IL34: variants seen among roughly 807,000 people sequenced by gnomAD.
IL34 encodes interleukin 34.
In IL34, 17 loss-of-function variants were observed where a neutral mutation model predicts 25.3. The observed-to-expected ratio is 0.67, with a 90% confidence interval of 0.46 to 1.01. IL34 has a LOEUF of 1.01. Ranked by LOEUF, IL34 falls within the 50% of genes least tolerant of loss-of-function variation. IL34 has a pLI of 0.00. For synonymous variants in IL34, 174 were observed against 140.9 expected (o/e 1.23, Z -1.66); for missense variants, 368 against 312.9 (o/e 1.18, Z -1.33).
chr16:70,644,763 AAAG>A (rs930837509), upstream of IL34, among the ~76,000 whole-genome samples: 1 of 119,768 alleles, frequency 8.3e-6, no homozygotes, highest in African/African-American at 3.2e-5. Flanking sequence ...GGAGGGAGGA[AAAG>A]GAGGAGGGAG....
chr16:70,614,450 G>A (rs2051143858), intron 1 of IL34, among the ~76,000 whole-genome samples: 1 of 152,288 alleles, frequency 6.6e-6, no homozygotes, highest in African/African-American at 2.4e-5. Flanking sequence ...TTTTTTAACA[G>A]CCTCTCCAGG....
intron 1 of IL34, among the ~76,000 whole-genome samples, chr16:70,616,671 G>A (rs1449625638): frequency 6.6e-6 from 1 of 152,132 alleles, no homozygotes; most frequent in African/African-American, 2.4e-5. Context: ...TGCGGGCAGG[G>A]GTGGATCTCA....
chr16:70,605,662 C>G (rs1348218426), intron 1 of IL34, among the ~76,000 whole-genome samples: 2 of 152,002 alleles, frequency 1.3e-5, no homozygotes, highest in Non-Finnish European at 2.9e-5. Context: ...GACCTCTTCT[C>G]TCTTCTCTTC....
At chr16:70,601,250 CTCTT>C (rs1431755297) in intron 1 of IL34, among the ~76,000 whole-genome samples, 3 of 152,052 alleles carry the variant, frequency 2.0e-5, no homozygotes, top group Admixed American at 2.0e-4. Flanking sequence ...CAGAGACTGA[CTCTT>C]TATTTATTTA....
rs7201073 is a variant in IL34, at chr16:70,639,871, T to A, written c.-400-6677T>A. The stretch of plus-strand genomic sequence containing the variant: ...TACTCAGGAGGCTAAGGTGAGAGGA[T>A]CACTTGAGCCCAAGAGGTAGAGGCT... On this transcript the variant is annotated intron_variant, in intron 1 of 6. Coordinates refer to the IL34 transcript ENST00000429149. Among the ~76,000 whole-genome samples the A allele has an allele frequency of 5.5e-3, 842 of 151,870 alleles. 4 individuals are homozygous for A. The highest frequency in any genetic ancestry group is 0.019 in the African/African-American group (780 of 41,436).
intron 1 of IL34, among the ~76,000 whole-genome samples, chr16:70,620,489 G>T (rs944731698): frequency 6.6e-6 from 1 of 152,008 alleles, no homozygotes; most frequent in Admixed American, 6.6e-5. Context: ...AGGAAGAATT[G>T]GGACCTAGCT....
At position 70,633,436 on chromosome 16, in the gene IL34, A is replaced by AT. The variant is rs34689421; in HGVS notation, c.-400-13105dup. 4.5e-3 allele frequency among the ~76,000 whole-genome samples: 677 copies of AT among 151,370 alleles called. 4 individuals carry two copies. The highest frequency in any genetic ancestry group is 0.015 in the African/African-American group (610 of 41,230). On this transcript the variant is annotated intron_variant, in intron 1 of 6. Coordinates refer to the IL34 transcript ENST00000429149. ...GCCTGGCTAATTAAAAAAAATTATT[A>AT]TTTTTTTCTCTAGAGACGTGGTCTC...
At chr16:70,628,330 C>T (rs2151846617) in intron 1 of IL34, among the ~76,000 whole-genome samples, 1 of 152,234 alleles carries the variant, frequency 6.6e-6, no homozygotes, top group East Asian at 1.9e-4. Flanking sequence ...TTGTTTAACT[C>T]TTCTGTGTCC....
intron 1 of IL34, among the ~76,000 whole-genome samples, chr16:70,607,797 C>T (rs1456492484): frequency 6.6e-6 from 1 of 151,334 alleles, no homozygotes; most frequent in Non-Finnish European, 1.5e-5. Flanking sequence ...CAGAGTCTTG[C>T]TCTGTTACCT....
upstream of IL34, among the ~76,000 whole-genome samples, chr16:70,641,947 T>C (rs1447701511): frequency 1.3e-5 from 2 of 152,148 alleles, no homozygotes; most frequent in African/African-American, 4.8e-5. Context: ...CAATCTGAAA[T>C]GGACAAAGAA....
rs2051946702 is a variant in IL34 at position 70,646,890 on chromosome 16, CTG to C, written c.-55_-54del. 6 of 1,463,000 alleles carry C rather than the reference CTG, an allele frequency of 4.1e-6. No homozygotes were observed. Among genetic ancestry groups the C allele is most frequent in the African/African-American group, 3.0e-5 (2 of 67,262 alleles). The allele number at this position is 1,463,000 out of a possible 1,614,324, so 90.6% of individuals were successfully genotyped here. On this transcript the variant is annotated 5_prime_UTR_variant, in exon 1 of 6. Transcript: ENST00000288098. Reference sequence around the variant, plus strand: ...GGCCATGTAGGCCGTGCTTAGGCCTCTGTGGACACACTGCTGGGGACGGCGCC... The same window carrying C: ...GGCCATGTAGGCCGTGCTTAGGCCTCTGGACACACTGCTGGGGACGGCGCC...
intron 1 of IL34, among the ~76,000 whole-genome samples, chr16:70,638,376 G>C (rs779792848): frequency 2.8e-4 from 42 of 151,742 alleles, no homozygotes; most frequent in Non-Finnish European, 4.9e-4. Flanking sequence ...CAACTTGGGA[G>C]ACCGAGGCAG....
chr16:70,585,874 C>T (rs1477596550), intron 1 of IL34, among the ~76,000 whole-genome samples: 1 of 145,506 alleles, frequency 6.9e-6, no homozygotes, highest in Non-Finnish European at 1.5e-5. Flanking sequence ...CACTCTGTCA[C>T]CCAGGCTGGA....
At chr16:70,591,062 G>A (rs2050748808) in intron 1 of IL34, among the ~76,000 whole-genome samples, 2 of 152,236 alleles carry the variant, frequency 1.3e-5, no homozygotes, top group Admixed American at 6.5e-5. Context: ...ACCATGCCAA[G>A]CGAGACTGGG....
intron 1 of IL34, among the ~76,000 whole-genome samples, chr16:70,589,777 C>G (rs904499694): frequency 6.6e-6 from 1 of 152,058 alleles, no homozygotes; most frequent in African/African-American, 2.4e-5. Flanking sequence ...TGCCCGCCAC[C>G]ACGCCCAGCT....
chr16:70,635,908 G>T (rs2051631480), intron 1 of IL34, among the ~76,000 whole-genome samples: 1 of 151,960 alleles, frequency 6.6e-6, no homozygotes, highest in Middle Eastern at 3.2e-3. Context: ...TTTGAGGTCA[G>T]AATCTCATAT....
At chr16:70,639,763 G>A (rs2051738682) in intron 1 of IL34, among the ~76,000 whole-genome samples, 1 of 152,134 alleles carries the variant, frequency 6.6e-6, no homozygotes, top group African/African-American at 2.4e-5. Context: ...AGAGCAGCTT[G>A]AGCAACATAG....
At chr16:70,626,627 C>G (rs1420268741) in intron 1 of IL34, among the ~76,000 whole-genome samples, 3 of 152,042 alleles carry the variant, frequency 2.0e-5, no homozygotes, top group Non-Finnish European at 4.4e-5. Flanking sequence ...AACTCCTGAC[C>G]TCAGGTGATC....
Position 70,589,622 on chromosome 16 carries a change from ATT to A in IL34, c.-401+9589_-401+9590del, listed in dbSNP as rs34813482. On this transcript the variant is annotated intron_variant, in intron 1 of 6. Coordinates refer to the IL34 transcript ENST00000429149. Reference sequence around the variant, plus strand: ...TCACCTTATGTGTTTTTTTACCATGATTTTTTTTTTTTTTTTTGAGACAGAGT... The same window carrying A: ...TCACCTTATGTGTTTTTTTACCATGATTTTTTTTTTTTTTTGAGACAGAGT... Among the ~76,000 whole-genome samples, 532 of 136,716 alleles carry A rather than the reference ATT, an allele frequency of 3.9e-3. 4 individuals are homozygous for A. The highest frequency in any genetic ancestry group is 8.3e-3 in the African/African-American group (307 of 37,050). 89.7% of individuals were successfully genotyped at this position (136,716 alleles called of 152,430 possible).
Sources: gnomAD v4.1 joint callset for allele counts (sites outside exome capture counted in the v4.1 genomes callset) on GRCh38, gnomAD v4.1.1 for gene constraint, MANE v1.5 for transcripts, NCBI Gene and HGNC (gene_info 2026-07-23, HGNC 2026-07-21) for gene names.